The following CLASP1 variants were observed in gnomAD, a reference collection of about 807,000 sequenced individuals.
CLASP1 encodes CLIP-associating protein 1.
Under a neutral mutation model 192.3 loss-of-function variants are expected in CLASP1, and 38 were observed. The observed-to-expected ratio is 0.20, with a 90% CI of 0.15 to 0.26. The LOEUF is 0.26. CLASP1 is among the 10% of genes least tolerant of loss of function. The probability of loss-of-function intolerance (pLI) is 1.00; values close to 1 mark genes in which losing one functional copy is unlikely to be tolerated. For missense variants in CLASP1, 1,433 were observed against 1,932.5 expected, an observed-to-expected ratio of 0.74 and a Z score of 4.85; for synonymous variants, 691 against 712.8, an observed-to-expected ratio of 0.97 and a Z score of 0.49.
chr2:121,480,649 T>C (rs1365914862), intron 8 of CLASP1, among the ~76,000 whole-genome samples: 1 of 152,218 alleles, frequency 6.6e-6, no homozygotes, highest in African/African-American at 2.4e-5. Context: ...TGAAAAAGGA[T>C]GATCCTGTCT....
intron 2 of CLASP1, among the ~76,000 whole-genome samples, chr2:121,584,807 G>C (rs1032674093): frequency 5.9e-5 from 9 of 152,070 alleles, no homozygotes; most frequent in African/African-American, 2.2e-4. Context: ...CAAATAAACT[G>C]TTTATCCCTC....
chr2:121,475,133 G>A (rs2091441575), intron 8 of CLASP1, among the ~76,000 whole-genome samples: 1 of 152,176 alleles, frequency 6.6e-6, no homozygotes, highest in South Asian at 2.1e-4. Context: ...GTGAGTTAGT[G>A]AAGGAAGTAA....
intron 8 of CLASP1, among the ~76,000 whole-genome samples, chr2:121,477,649 A>T (rs924377705): frequency 6.6e-6 from 1 of 152,232 alleles, no homozygotes; most frequent in Admixed American, 6.5e-5. Context: ...GATCAATATT[A>T]ATCTAGTCAA....
At chr2:121,357,628 A>C (rs1165613583) in intron 37 of CLASP1, among the ~76,000 whole-genome samples, 1 of 152,208 alleles carries the variant, frequency 6.6e-6, no homozygotes, top group Non-Finnish European at 1.5e-5. Context: ...TCAGTTCATC[A>C]GCGAGGCAGA....
At chr2:121,484,720 G>C (rs1206968343) in intron 8 of CLASP1, among the ~76,000 whole-genome samples, 1 of 152,200 alleles carries the variant, frequency 6.6e-6, no homozygotes, top group African/African-American at 2.4e-5. Flanking sequence ...GGGAGAATGA[G>C]AGAGAACAGA....
chr2:121,393,396 A>T (rs2074711975), intron 30 of CLASP1, among the ~76,000 whole-genome samples: 1 of 152,224 alleles, frequency 6.6e-6, no homozygotes, highest in Admixed American at 6.5e-5. Flanking sequence ...GAGGCAGAAC[A>T]AAGTTTATTT....
chr2:121,346,732 T>A (rs1179527621), intron 39 of CLASP1, among the ~76,000 whole-genome samples: 4 of 152,264 alleles, frequency 2.6e-5, no homozygotes, highest in African/African-American at 9.6e-5. Flanking sequence ...TCTTTAGTGT[T>A]TCCATGAAAA....
At chr2:121,554,400 C>A (rs2058333158) in intron 2 of CLASP1, among the ~76,000 whole-genome samples, 1 of 147,534 alleles carries the variant, frequency 6.8e-6, no homozygotes, top group East Asian at 2.0e-4. Context: ...CTCTTGAGCC[C>A]AGGAGTTTGA....
intron 1 of CLASP1, among the ~76,000 whole-genome samples, chr2:121,618,659 T>C (rs899247374): frequency 2.7e-5 from 4 of 147,110 alleles, no homozygotes; most frequent in African/African-American, 1.1e-4. Context: ...TATGAATGTA[T>C]TATGAATTTT....
intron 8 of CLASP1, among the ~76,000 whole-genome samples, chr2:121,472,344 G>A (rs984333105): frequency 6.6e-6 from 1 of 152,150 alleles, no homozygotes; most frequent in African/African-American, 2.4e-5. Flanking sequence ...TAGAAAACCT[G>A]ACAGTATATA....
intron 1 of CLASP1, among the ~76,000 whole-genome samples, chr2:121,622,949 C>T (rs147818377): frequency 1.2e-4 from 19 of 152,214 alleles, no homozygotes; most frequent in African/African-American, 2.4e-4. Context: ...TTTGGTCAAG[C>T]GCAGTGGCTC....
chr2:121,568,946 G>A (rs890183119), intron 2 of CLASP1, among the ~76,000 whole-genome samples: 1 of 152,086 alleles, frequency 6.6e-6, no homozygotes, highest in African/African-American at 2.4e-5. Flanking sequence ...TCCTGAGCTG[G>A]TGTCATATAT....
chr2:121,547,547 C>T (rs993379327), intron 2 of CLASP1, among the ~76,000 whole-genome samples: 1 of 152,078 alleles, frequency 6.6e-6, no homozygotes, highest in Non-Finnish European at 1.5e-5. Flanking sequence ...ACAACCACTA[C>T]TAAGGTCCCT....
intron 7 of CLASP1, among the ~76,000 whole-genome samples, chr2:121,511,319 T>C (rs2150318770): frequency 6.6e-6 from 1 of 152,254 alleles, no homozygotes; most frequent in African/African-American, 2.4e-5. Flanking sequence ...TCAGGGGCAG[T>C]GGCTCATGCC....
At chr2:121,445,057 A>G in intron 19 of CLASP1, 4 of 700,610 alleles carry the variant, frequency 5.7e-6, no homozygotes, top group Non-Finnish European at 9.0e-6. Flanking sequence ...CTACTAAAAA[A>G]GCAAAAGTAC....
intron 2 of CLASP1, among the ~76,000 whole-genome samples, chr2:121,572,136 T>A (rs769526413): frequency 7.2e-4 from 110 of 152,180 alleles, no homozygotes; most frequent in Middle Eastern, 3.4e-3. Context: ...ACACTTCAGA[T>A]AAAATAATAG....
intron 1 of CLASP1, among the ~76,000 whole-genome samples, chr2:121,646,400 ACCCAG>A (rs1401896913): frequency 6.6e-6 from 1 of 152,164 alleles, no homozygotes; most frequent in East Asian, 1.9e-4. Context: ...AAGCCACTGC[ACCCAG>A]CCTCTTCTCT....
At chr2:121,439,755 TA>T (rs1423838282) in intron 19 of CLASP1, among the ~76,000 whole-genome samples, 3 of 151,138 alleles carry the variant, frequency 2.0e-5, no homozygotes, top group South Asian at 2.1e-4. Flanking sequence ...TATGCAGCCA[TA>T]AAAAATGATG....
intron 31 of CLASP1, among the ~76,000 whole-genome samples, chr2:121,387,445 T>C (rs1287745146): frequency 6.6e-6 from 1 of 152,106 alleles, no homozygotes; most frequent in Non-Finnish European, 1.5e-5. Context: ...TGATTGATGT[T>C]GGGTGTGCTA....
Sources: allele counts gnomAD v4.1 joint callset (sites outside exome capture counted in the v4.1 genomes callset), GRCh38; gene constraint gnomAD v4.1.1; transcripts MANE v1.5; gene names NCBI Gene and HGNC (gene_info 2026-07-23, HGNC 2026-07-21).